DNASE1: variants seen among roughly 807,000 people sequenced by gnomAD.
DNASE1 encodes deoxyribonuclease-1.
Under a neutral mutation model 33.9 loss-of-function variants are expected in DNASE1, and 40 were observed. The observed-to-expected ratio is 1.18, with a 90% CI of 0.92 to 1.54. DNASE1 has a LOEUF of 1.54. Ranked by LOEUF, DNASE1 falls within the 40% of genes most tolerant of loss-of-function variation. The pLI, the probability that DNASE1 is intolerant of heterozygous loss-of-function variation, is 0.00. For synonymous variants in DNASE1, 216 were observed against 160.0 expected, an observed-to-expected ratio of 1.35 and a Z score of -2.64; for missense variants, 518 against 372.6, an observed-to-expected ratio of 1.39 and a Z score of -3.21.
intron 1 of DNASE1, among the ~76,000 whole-genome samples, chr16:3,645,582 C>T (rs749690322): frequency 3.3e-5 from 5 of 152,154 alleles, no homozygotes; most frequent in South Asian, 2.1e-4. Context: ...TGGGGAGGGA[C>T]GGGGCAGCCG....
At chr16:3,662,731 G>C (rs557944155), downstream of DNASE1, 9 of 745,260 alleles carry the variant, frequency 1.2e-5, no homozygotes, top group South Asian at 1.0e-4. Flanking sequence ...AACACGTGCC[G>C]AGCAGGGACC....
In DNASE1 at chr16:3,654,993, C is replaced by A. The variant is rs1405575619; in HGVS notation, c.-53C>A. The A allele has an allele frequency of 8.3e-6, 4 of 480,790 alleles. No individual in the cohort carries two copies. The highest frequency in any genetic ancestry group is 4.6e-5 in the South Asian group (1 of 21,672). 29.8% of individuals were successfully genotyped at this position (480,790 alleles called of 1,614,324 possible). On this transcript the variant is annotated 5_prime_UTR_variant, in exon 1 of 9. Coordinates refer to ENST00000246949, the MANE Select transcript of DNASE1 (RefSeq NM_005223.4). ...AGAAAATTGTCATCAAAGGATATTCCAGATTCTTGACAGCATTCTCGTCAT... is the reference window on the plus strand; with the variant it reads ...AGAAAATTGTCATCAAAGGATATTCAAGATTCTTGACAGCATTCTCGTCAT...
At chr16:3,617,591 C>G (rs2041155230) in intron 1 of DNASE1, among the ~76,000 whole-genome samples, 1 of 152,028 alleles carries the variant, frequency 6.6e-6, no homozygotes, top group East Asian at 1.9e-4. Context: ...CTCCCCCCAC[C>G]CAATTCATAT....
In DNASE1 at chr16:3,613,020, A is replaced by T. The variant is rs902251950; in HGVS notation, c.-1359+1014A>T. ...TACAGTATCATAAAATGCACACTAG[A>T]AGTGTACATTCAGTGGTTTCCAGTA... On this transcript the variant is annotated intron_variant and NMD_transcript_variant, in intron 1 of 11. Transcript: ENST00000570769. Among the ~76,000 whole-genome samples, 4 of 152,224 alleles carry T rather than the reference A, an allele frequency of 2.6e-5. No individual in the cohort carries two copies. In the South Asian group the frequency reaches 8.3e-4, roughly 32 times the overall value.
chr16:3,657,968 C>T lies in DNASE1; in HGVS notation c.*15C>T, dbSNP rs1232532938. ...TGCTGAAGTGAGCAGCCCCTCCCCA[C>T]ACCAGTTGAACTGCAGGAAGAGAGG... On this transcript the variant is annotated 3_prime_UTR_variant, in exon 9 of 9. Coordinates refer to ENST00000246949, the MANE Select transcript of DNASE1 (RefSeq NM_005223.4). The T allele has an allele frequency of 3.7e-6, 6 of 1,613,746 alleles. No homozygotes were observed. Among genetic ancestry groups the T allele is most frequent in the East Asian group, 2.2e-5 (1 of 44,890 alleles).
chr16:3,657,711 AC>A lies in DNASE1; in HGVS notation c.705-6del. The A allele has an allele frequency of 6.2e-7, 1 of 1,613,762 alleles. No homozygotes were observed. The highest frequency in any genetic ancestry group is 8.5e-7 in the Non-Finnish European group (1 of 1,179,952). On this transcript the variant is annotated splice_polypyrimidine_tract_variant and splice_region_variant and intron_variant, in intron 7 of 8. Transcript: ENST00000246949. ...GGGGAACCTACTTTCTCTTCCCAAC[AC>A]CCATCAGGATCGTGGTTGCAGGGAT...
At chr16:3,656,900 A>C in intron 5 of DNASE1, 99 bp from the exon 6 acceptor site, 1 of 1,548,074 alleles carries the variant, frequency 6.5e-7, no homozygotes. Context: ...GAAAATATCC[A>C]CCCCCCGGGG....
chr16:3,658,896 C>T, downstream of DNASE1: 14 of 1,611,776 alleles, frequency 8.7e-6, no homozygotes, highest in Non-Finnish European at 1.1e-5. Context: ...GAAAAAGCAG[C>T]TCAGTACCAC....
At chr16:3,627,937 CAAAAAAAAA>C (rs55920324) in intron 1 of DNASE1, among the ~76,000 whole-genome samples, 6 of 80,402 alleles carry the variant, frequency 7.5e-5, no homozygotes, top group Non-Finnish European at 9.3e-5. Flanking sequence ...TCTATTTCTG[CAAAAAAAAA>C]AAAAAAAAAA....
upstream of DNASE1, among the ~76,000 whole-genome samples, chr16:3,639,442 C>A (rs544267023): frequency 1.3e-5 from 2 of 152,328 alleles, no homozygotes; most frequent in African/African-American, 4.8e-5. Context: ...AAGCAGCCTT[C>A]CAGCTCACTG....
intron 1 of DNASE1, among the ~76,000 whole-genome samples, chr16:3,643,569 C>T (rs929332847): frequency 6.6e-5 from 10 of 152,236 alleles, no homozygotes; most frequent in African/African-American, 2.4e-4. Context: ...CTGTCCCTGT[C>T]GGGGGACATG....
chr16:3,633,720 C>T (rs1267266575), intron 1 of DNASE1, among the ~76,000 whole-genome samples: 1 of 152,100 alleles, frequency 6.6e-6, no homozygotes, highest in Non-Finnish European at 1.5e-5. Flanking sequence ...TGTACAAGTT[C>T]CCTCTAACAG....
In DNASE1 at chr16:3,625,112, G is replaced by A. The variant is rs1172666400; in HGVS notation, c.-1359+13106G>A. Among the ~76,000 whole-genome samples, 5 of 152,226 alleles carry A rather than the reference G, an allele frequency of 3.3e-5. No individual in the cohort carries two copies. The South Asian group carries it at 1.0e-3, about 32-fold the overall frequency. On this transcript the variant is annotated intron_variant and NMD_transcript_variant, in intron 1 of 11. Transcript: ENST00000570769. ...ACCTGAGGTTGGGAGTTCAAGACCA[G>A]CCTGGCCAACATGGTGAAACCCCGT...
rs185399596 is a variant in DNASE1, at chr16:3,644,926, C to T, written c.-86+1890C>T. Reference sequence around the variant, plus strand: ...GGCGGATCACTTGGGCTTAGGAGTTCGAGACCAGCCTGGGCAACATGGCAA... The same window carrying T: ...GGCGGATCACTTGGGCTTAGGAGTTTGAGACCAGCCTGGGCAACATGGCAA... On this transcript the variant is annotated intron_variant, in intron 1 of 9. Coordinates refer to the DNASE1 transcript ENST00000407479. Among the ~76,000 whole-genome samples, 10 of 151,488 alleles carry T rather than the reference C, an allele frequency of 6.6e-5. No individual in the cohort carries two copies. The East Asian group carries it at 7.9e-4, about 12-fold the overall frequency.
intron 1 of DNASE1, among the ~76,000 whole-genome samples, chr16:3,629,430 A>C (rs1885814940): frequency 6.6e-6 from 1 of 152,118 alleles, no homozygotes; most frequent in Admixed American, 6.6e-5. Flanking sequence ...TTCAGGAGTA[A>C]ATCCCACTTG....
chr16:3,651,296 C>T (rs943755533), upstream of DNASE1: 2 of 152,210 alleles, frequency 1.3e-5, no homozygotes, highest in African/African-American at 2.4e-5. Flanking sequence ...GTGCTCTTTT[C>T]CCTTCCTGTG....
At chr16:3,663,118 C>G in exon 10 of DNASE1, 1 of 698,528 alleles carries the variant, frequency 1.4e-6, no homozygotes. Context: ...AAAGTAAAAC[C>G]TCAAAGGATG....
chr16:3,662,239 G>C (rs1388510096), downstream of DNASE1: 8 of 1,400,684 alleles, frequency 5.7e-6, no homozygotes, highest in Non-Finnish European at 7.7e-6. Flanking sequence ...TAGCAGGCGG[G>C]GTCTCAAGGA....
intron 1 of DNASE1, among the ~76,000 whole-genome samples, chr16:3,630,056 T>C (rs2041646755): frequency 6.6e-6 from 1 of 152,208 alleles, no homozygotes; most frequent in Non-Finnish European, 1.5e-5. Flanking sequence ...TAACCGCAGG[T>C]GATCTGCCCA....
Sources: gnomAD v4.1 joint callset for allele counts (sites outside exome capture counted in the v4.1 genomes callset) on GRCh38, gnomAD v4.1.1 for gene constraint, MANE v1.5 for transcripts, NCBI Gene and HGNC (gene_info 2026-07-23, HGNC 2026-07-21) for gene names.